ARHGEF17: variants seen among roughly 807,000 people sequenced by gnomAD.
The protein encoded by ARHGEF17 is Rho guanine nucleotide exchange factor 17.
Under a neutral mutation model 174.0 loss-of-function variants are expected in ARHGEF17, and 80 were observed. The observed-to-expected ratio is 0.46, with a 90% CI of 0.38 to 0.55. The LOEUF is 0.55. Among genes scored for constraint, ARHGEF17 ranks in the 20% least tolerant of loss-of-function variants. The pLI is 0.00. For synonymous variants in ARHGEF17, 1,311 were observed against 1,189.1 expected, an observed-to-expected ratio of 1.10 and a Z score of -2.11; for missense variants, 2,886 against 2,839.7, an observed-to-expected ratio of 1.02 and a Z score of -0.37.
At chr11:73,325,005 G>T in intron 1 of ARHGEF17, among the ~76,000 whole-genome samples, 1 of 152,120 alleles carries the variant, frequency 6.6e-6, no homozygotes, top group East Asian at 1.9e-4. Flanking sequence ...CTGGCGGAGA[G>T]AACTCAGCCC....
chr11:73,362,041 TCTC>T lies in ARHGEF17; in HGVS notation c.4499_4501del (p.Ser1500del), dbSNP rs770356814. The T allele has an allele frequency of 1.2e-6, 2 of 1,610,536 alleles. No homozygotes were observed. The highest frequency in any genetic ancestry group is 2.7e-5 in the African/African-American group (2 of 74,830). On this transcript the variant is annotated inframe_deletion and splice_region_variant, in exon 13 of 21. Transcript: ENST00000263674. ...CCTGTCCATTGGCGCCTCCTGCAGTTCTCCTGTGCGGCTCCCACCCTGAACAGC... is the reference window on the plus strand; with the variant it reads ...CCTGTCCATTGGCGCCTCCTGCAGTTCTGTGCGGCTCCCACCCTGAACAGC...
In ARHGEF17 at chr11:73,364,213, A is replaced by G. The variant is rs1489175408; in HGVS notation, c.5375A>G (p.Glu1792Gly). ...NQVFVSLANG[E>G]LVVYQREAGH... ...GTGTTTGTGTCTCTGGCCAATGGAG[A>G]GCTTGTGGTCTACCAAAGGGAAGCA... The change falls in exon 17 of 21, where the codon GAG becomes GGG. Residue 1792 changes from glutamate to glycine, a missense_variant. Physicochemically the swap from Glu to Gly is moderately conservative, Grantham distance 98. Coordinates refer to ENST00000263674, the MANE Select transcript of ARHGEF17 (RefSeq NM_014786.4). 6.2e-7 allele frequency: 1 copy of G among 1,614,000 alleles called. No homozygotes were observed. The highest frequency in any genetic ancestry group is 8.5e-7 in the Non-Finnish European group (1 of 1,180,000).
rs1455976894 is a variant in ARHGEF17, at chr11:73,309,825, C to A, written c.1187C>A (p.Thr396Lys). The change falls in exon 1 of 21, where the codon ACG becomes AAG. Residue 396 changes from threonine (T) to lysine (K), a missense_variant. This residue lies in a region of ARHGEF17 where 1,728 missense variants were observed against 1,461.2 expected (regional missense o/e 1.18). Transcript: ENST00000263674. ...CGCGGTAGCAGCCGTTATTCCAGCA[C>A]GGAGACCCTCAAGGACGACGACCTA... ...GSRGSSRYSS[T>K]ETLKDDDLWS... 1.2e-6 allele frequency: 2 copies of A among 1,613,170 alleles called. No homozygotes were observed. Among genetic ancestry groups the A allele is most frequent in the Non-Finnish European group, 1.7e-6 (2 of 1,180,022 alleles).
Position 73,362,615 on chromosome 11 carries a change from G to A in ARHGEF17, c.4877G>A (p.Gly1626Asp), listed in dbSNP as rs746398071. 1 of 1,611,312 alleles carries A rather than the reference G, an allele frequency of 6.2e-7. No individual in the cohort carries two copies. Among genetic ancestry groups the A allele is most frequent in the East Asian group, 2.2e-5 (1 of 44,888 alleles). ...GAGATGACGCCGGGCCTCGGCGAGG[G>A]TGACCCCCGCCCAGAGCTGGTGCCC... ...GLEMTPGLGE[G>D]DPRPELVPFD... Residue 1626 changes from glycine (G) to aspartate (D), a missense_variant, in exon 14 of 21, where the codon GGT (glycine) becomes GAT (aspartate). Gly to Asp is a moderately conservative substitution (Grantham distance 94, BLOSUM62 -1). Coordinates refer to ENST00000263674, the MANE Select transcript of ARHGEF17 (RefSeq NM_014786.4).
chr11:73,361,908 T>C lies in ARHGEF17; in HGVS notation c.4495-132T>C, dbSNP rs957740328. 6 of 989,226 alleles carry C rather than the reference T, an allele frequency of 6.1e-6. No individual in the cohort carries two copies. The Admixed American group carries it at 7.7e-5, about 13-fold the overall frequency. 61.3% of individuals were successfully genotyped at this position (989,226 alleles called of 1,614,324 possible). On this transcript the variant is annotated intron_variant, in intron 12 of 20. Transcript: ENST00000263674. ...GTATGTGTACGCGTGTGTAGAAGGG[T>C]GTATAGGGCATCCACACACACACAC...
In ARHGEF17 at chr11:73,308,790, G is replaced by A. The variant is rs774330282; in HGVS notation, c.152G>A (p.Arg51Gln). 5 of 1,394,262 alleles carry A rather than the reference G, an allele frequency of 3.6e-6. No individual in the cohort carries two copies. The African/African-American group carries it at 6.1e-5, about 17-fold the overall frequency. 86.4% of individuals were successfully genotyped at this position (1,394,262 alleles called of 1,614,324 possible). The change falls in exon 1 of 21, where the codon CGG (arginine) becomes CAG (glutamine). Residue 51 changes from arginine (R) to glutamine (Q), a missense_variant. Physicochemically the swap from Arg to Gln is conservative, Grantham distance 43. Around this residue, in one of 4 missense-constraint regions of ARHGEF17, gnomAD observed 1,728 missense variants for 1,461.2 expected, o/e 1.18. Transcript: ENST00000263674. ...TCGTGCCGGCCGACCACGGCTGCCC[G>A]GGGCCAGCCCTCTCGGCGCGTGTCC... Reference protein sequence around the residue: ...RASCRPTTAARGQPSRRVSKL... With the variant: ...RASCRPTTAAQGQPSRRVSKL...
chr11:73,328,200 G>A (rs901293730), intron 1 of ARHGEF17, among the ~76,000 whole-genome samples: 2 of 152,178 alleles, frequency 1.3e-5, no homozygotes, highest in African/African-American at 4.8e-5. Flanking sequence ...CTCTTTGGTA[G>A]GGGGATGAGC....
In ARHGEF17 at chr11:73,329,359, ATATATATATATATATT is replaced by A. The variant is rs1283697649; in HGVS notation, c.3193-17522_3193-17507del. On this transcript the variant is annotated intron_variant, in intron 1 of 20. Coordinates refer to ENST00000263674, the MANE Select transcript of ARHGEF17 (RefSeq NM_014786.4). ...TATATATATATATATATATATATAT[ATATATATATATATATT>A]TTTTTTTTTTTTTTGTATTTTGGGT... Among the ~76,000 whole-genome samples, 10 of 2,700 alleles carry A rather than the reference ATATATATATATATATT, an allele frequency of 3.7e-3. 1 individual carries two copies. The highest frequency in any genetic ancestry group is 0.01 in the South Asian group (1 of 96). The allele number at this position is 2,700 out of a possible 152,430, so 1.8% of individuals were successfully genotyped here.
At chr11:73,358,466 T>A (rs1004599502) in intron 9 of ARHGEF17, among the ~76,000 whole-genome samples, 3 of 146,632 alleles carry the variant, frequency 2.0e-5, no homozygotes, top group Admixed American at 6.7e-5. Flanking sequence ...TTTTTTTTTT[T>A]TTTTTTTTTT....
At position 73,363,773 on chromosome 11, in the gene ARHGEF17, G is replaced by T. The variant is rs529417155; in HGVS notation, c.5273G>T (p.Ser1758Ile). ...GCVHVYQSSD[S>I]IRDRRNSMKL... ...GTCCACGTGTACCAGTCCTCCGACA[G>T]CATCCGTGACCGCAGGAACAGCATG... Residue 1758 changes from serine (S) to isoleucine (I), a missense_variant, in exon 16 of 21, where the codon AGC (serine) becomes ATC (isoleucine). Ser to Ile is a moderately radical substitution (Grantham distance 142). Around this residue, in one of 4 missense-constraint regions of ARHGEF17, gnomAD observed 329 missense variants for 435.2 expected, o/e 0.76. Coordinates refer to ENST00000263674, the MANE Select transcript of ARHGEF17 (RefSeq NM_014786.4). 10 of 1,613,944 alleles carry T rather than the reference G, an allele frequency of 6.2e-6. No homozygotes were observed. The Admixed American group carries it at 1.5e-4, about 24-fold the overall frequency.
chr11:73,323,683 G>A (rs1226998451), intron 1 of ARHGEF17, among the ~76,000 whole-genome samples: 1 of 152,260 alleles, frequency 6.6e-6, no homozygotes, highest in Admixed American at 6.5e-5. Flanking sequence ...TCTCCCCAAG[G>A]CCAGCGGGGG....
rs777459633 is a variant in ARHGEF17, at chr11:73,365,488, G to T, written c.5649G>T (p.Val1883=). 5.6e-6 allele frequency: 9 copies of T among 1,613,966 alleles called. No homozygotes were observed. In the Admixed American group the frequency reaches 1.0e-4, roughly 18 times the overall value. The change falls in exon 19 of 21, where the codon GTG becomes GTT. Residue 1883 remains valine (V), a synonymous_variant. Transcript: ENST00000263674. This position sits in a 1 kb window ranked among gnomAD's most constrained non-coding sequence, Gnocchi z 4.9. Reference sequence around the variant, plus strand: ...TGACATTGAAAGGTAGTGCCCACGTGTGTCTCTACCATCCAGACACCTTTG... The same window carrying T: ...TGACATTGAAAGGTAGTGCCCACGTTTGTCTCTACCATCCAGACACCTTTG... ...VWVTLKGSAH[V]CLYHPDTFEQ... is the part of the protein sequence containing the mutation.
At chr11:73,357,221 C>T (rs761870598) in intron 8 of ARHGEF17, 21 bp from the exon 9 acceptor site, 27 of 1,612,904 alleles carry the variant, frequency 1.7e-5, no homozygotes, top group Middle Eastern at 1.6e-4. Flanking sequence ...CTGGCCAGAG[C>T]GCCCCATTGG....
chr11:73,328,003 T>C (rs982331447), intron 1 of ARHGEF17, among the ~76,000 whole-genome samples: 1 of 152,130 alleles, frequency 6.6e-6, no homozygotes, highest in Non-Finnish European at 1.5e-5. Flanking sequence ...GCACCTATTA[T>C]AGGGTTATGG....
chr11:73,357,186 C>T, intron 8 of ARHGEF17, 52 bp downstream of exon 8: 2 of 1,612,462 alleles, frequency 1.2e-6, no homozygotes, highest in South Asian at 2.2e-5. Flanking sequence ...AGCATTTGTC[C>T]CTCTCTGAGC....
In ARHGEF17 at chr11:73,310,293, A is replaced by G. The variant is rs140348469; in HGVS notation, c.1655A>G (p.Lys552Arg). ...GCAAAGTCATTCACCTGCTCTGAGA[A>G]GCCCATGGCCCGCCGCCTGCCCCGC... ...RRAKSFTCSEKPMARRLPRTS... is the reference protein window; with the variant it reads ...RRAKSFTCSERPMARRLPRTS... The change falls in exon 1 of 21, where the codon AAG becomes AGG. Residue 552 changes from lysine (K) to arginine (R), a missense_variant. Transcript: ENST00000263674. 8.1e-6 allele frequency: 13 copies of G among 1,613,786 alleles called. No individual in the cohort carries two copies. The highest frequency in any genetic ancestry group is 1.6e-4 in the Middle Eastern group (1 of 6,084).
chr11:73,347,069 C>A (rs1221089185), intron 2 of ARHGEF17, 109 bp downstream of exon 2: 2 of 1,097,186 alleles, frequency 1.8e-6, no homozygotes, highest in Non-Finnish European at 2.7e-6. Context: ...GCCAGAGAGC[C>A]GTGTCCCTGG....
intron 2 of ARHGEF17, among the ~76,000 whole-genome samples, chr11:73,347,636 G>A (rs1483774561): frequency 1.3e-5 from 2 of 152,234 alleles, no homozygotes; most frequent in East Asian, 1.9e-4. Flanking sequence ...CTATGCTGTC[G>A]GAGTCGGCAG....
intron 1 of ARHGEF17, 36 bp downstream of exon 1, chr11:73,311,866 A>G (rs886908242): frequency 6.4e-7 from 1 of 1,558,912 alleles, no homozygotes; most frequent in Non-Finnish European, 8.7e-7. Context: ...ATTGGGGCCA[A>G]AGAAGGGCCA....
Sources: gnomAD v4.1 joint callset for allele counts (sites outside exome capture counted in the v4.1 genomes callset) on GRCh38, gnomAD v4.1.1 for gene constraint, gnomAD v4.1.1 regional missense constraint, Gnocchi (gnomAD v3.1) non-coding constraint, MANE v1.5 for transcripts, NCBI Gene and HGNC (gene_info 2026-07-23, HGNC 2026-07-21) for gene names.